The following CCSER2 variants were observed in gnomAD, a reference collection of about 807,000 sequenced individuals.
CCSER2 encodes serine-rich coiled-coil domain-containing protein 2.
CCSER2 carries 46 observed loss-of-function variants against 92.3 expected under a neutral mutation model. That is an observed-to-expected ratio of 0.50 (90% CI 0.39 to 0.64). The LOEUF (loss-of-function observed/expected upper bound fraction) is 0.64. Ranked by LOEUF, CCSER2 falls within the 30% of genes least tolerant of loss-of-function variation. The pLI is 0.00. For synonymous variants in CCSER2, 433 were observed against 431.4 expected (o/e 1.00, Z -0.04); for missense variants, 1,244 against 1,238.9 (o/e 1.00, Z -0.06).
chr10:84,345,561 C>G (rs1844430449), intron 1 of CCSER2, among the ~76,000 whole-genome samples: 1 of 151,952 alleles, frequency 6.6e-6, no homozygotes, highest in African/African-American at 2.4e-5. Context: ...GAAAAACTGC[C>G]CTTTCCCAGT....
chr10:84,370,842 A>G (rs991394811), intron 1 of CCSER2, among the ~76,000 whole-genome samples, 172 bp from the exon 2 acceptor site: 1 of 152,190 alleles, frequency 6.6e-6, no homozygotes, highest in African/African-American at 2.4e-5. Context: ...TTCTTCCAAC[A>G]TAAAGTTATT....
At chr10:84,329,081 A>T (rs1028207629) in intron 1 of CCSER2, among the ~76,000 whole-genome samples, 1 of 152,064 alleles carries the variant, frequency 6.6e-6, no homozygotes, top group Non-Finnish European at 1.5e-5. Context: ...GCCGCCTTTC[A>T]GGAGAAATCA....
chr10:84,443,538 TTGG>T (rs1397164171), intron 6 of CCSER2, among the ~76,000 whole-genome samples: 7 of 152,308 alleles, frequency 4.6e-5, no homozygotes, highest in African/African-American at 7.2e-5. Flanking sequence ...TTTTACACTG[TTGG>T]TGGGAGTGTA....
intron 1 of CCSER2, among the ~76,000 whole-genome samples, chr10:84,363,760 C>T (rs563349266): frequency 6.6e-5 from 10 of 152,052 alleles, no homozygotes; most frequent in Admixed American, 5.9e-4. Flanking sequence ...CCATTCAGTC[C>T]CTTCCTTCAT....
chr10:84,499,991 C>T, intron 9 of CCSER2: 1 of 1,613,786 alleles, frequency 6.2e-7, no homozygotes, highest in African/African-American at 1.3e-5. Context: ...CTATCCTGCT[C>T]TGGCTTCCCC....
chr10:84,395,745 A>G (rs1439102879), intron 3 of CCSER2, among the ~76,000 whole-genome samples: 1 of 152,152 alleles, frequency 6.6e-6, no homozygotes, highest in Admixed American at 6.6e-5. Context: ...CATTAGACCA[A>G]CCATTGGGAA....
chr10:84,473,371 T>C (rs1335784068), intron 8 of CCSER2, among the ~76,000 whole-genome samples: 1 of 152,186 alleles, frequency 6.6e-6, no homozygotes, highest in East Asian at 1.9e-4. Flanking sequence ...CAGGAGAACT[T>C]CGTGATATTT....
intron 3 of CCSER2, among the ~76,000 whole-genome samples, chr10:84,381,450 T>A (rs1840899711): frequency 6.6e-6 from 1 of 152,174 alleles, no homozygotes; most frequent in African/African-American, 2.4e-5. Flanking sequence ...TAGAGTGCTA[T>A]AAAACTTTTC....
chr10:84,411,435 A>C (rs998403358), intron 3 of CCSER2, among the ~76,000 whole-genome samples: 1 of 152,178 alleles, frequency 6.6e-6, no homozygotes, highest in Non-Finnish European at 1.5e-5. Context: ...ACCATCCATG[A>C]GTGTGGAATG....
intron 7 of CCSER2, among the ~76,000 whole-genome samples, chr10:84,466,389 C>T (rs1333858715): frequency 6.6e-6 from 1 of 152,230 alleles, no homozygotes; most frequent in Non-Finnish European, 1.5e-5. Context: ...TTCCAAATAG[C>T]TCTCTCCAAG....
intron 1 of CCSER2, among the ~76,000 whole-genome samples, chr10:84,367,325 C>T (rs184817740): frequency 2.0e-5 from 3 of 151,394 alleles, no homozygotes; most frequent in African/African-American, 7.3e-5. Context: ...TCTGTTCAGC[C>T]TTTGTCCTAC....
At chr10:84,471,197 G>T (rs1375111916) in intron 8 of CCSER2, among the ~76,000 whole-genome samples, 1 of 151,928 alleles carries the variant, frequency 6.6e-6, no homozygotes, top group East Asian at 1.9e-4. Flanking sequence ...AGCCACTGGG[G>T]TCAGCTCACG....
chr10:84,348,311 G>A (rs1339632112), intron 1 of CCSER2, among the ~76,000 whole-genome samples: 1 of 152,240 alleles, frequency 6.6e-6, no homozygotes, highest in African/African-American at 2.4e-5. Context: ...AACCAGTCAG[G>A]CGTGGCGGCA....
chr10:84,393,229 G>T (rs1205126911), intron 3 of CCSER2, among the ~76,000 whole-genome samples: 4 of 152,178 alleles, frequency 2.6e-5, no homozygotes, highest in Admixed American at 6.5e-5. Context: ...GCACAATGTG[G>T]AAAGCTGATA....
chr10:84,376,462 T>C (rs1185528887), intron 3 of CCSER2, among the ~76,000 whole-genome samples: 1 of 152,168 alleles, frequency 6.6e-6, no homozygotes, highest in Non-Finnish European at 1.5e-5. Context: ...TCTTGAACTT[T>C]ATATAAATGA....
chr10:84,367,430 G>A (rs989488323), intron 1 of CCSER2, among the ~76,000 whole-genome samples: 3 of 150,750 alleles, frequency 2.0e-5, no homozygotes, highest in Admixed American at 6.6e-5. Context: ...AGGCTGGAGC[G>A]CAGTGGCTTG....
intron 9 of CCSER2, among the ~76,000 whole-genome samples, chr10:84,498,754 A>C (rs1023292190): frequency 2.0e-5 from 3 of 152,174 alleles, no homozygotes; most frequent in African/African-American, 7.2e-5. Context: ...GATTTTCCTT[A>C]ATGATATTTT....
Position 84,516,870 on chromosome 10 carries a change from A to G in CCSER2, c.*2603A>G, listed in dbSNP as rs1177009837. 6.6e-6 allele frequency: 1 copy of G among 152,178 alleles called. No individual in the cohort carries two copies. The highest frequency in any genetic ancestry group is 6.5e-5 in the Admixed American group (1 of 15,278). 9.4% of individuals were successfully genotyped at this position (152,178 alleles called of 1,614,324 possible). A position where few individuals can be genotyped will look rare whatever the true frequency, so the allele number is the denominator to read the frequency against. Reference sequence around the variant, plus strand: ...TATTTATGAAGCATAATATATTAAAAGAAAACAAATCTAGGATGCTTGCAT... The same window carrying G: ...TATTTATGAAGCATAATATATTAAAGGAAAACAAATCTAGGATGCTTGCAT... On this transcript the variant is annotated 3_prime_UTR_variant, in exon 10 of 10. Coordinates refer to ENST00000372088, the MANE Select transcript of CCSER2 (RefSeq NM_001284240.2).
chr10:84,430,325 C>G (rs1843696513), intron 5 of CCSER2, among the ~76,000 whole-genome samples: 1 of 152,186 alleles, frequency 6.6e-6, no homozygotes, highest in Non-Finnish European at 1.5e-5. Flanking sequence ...ATGTTCTTCT[C>G]TATTCCCAAG....
Sources: allele counts gnomAD v4.1 joint callset (sites outside exome capture counted in the v4.1 genomes callset), GRCh38; gene constraint gnomAD v4.1.1; transcripts MANE v1.5; gene names NCBI Gene and HGNC (gene_info 2026-07-23, HGNC 2026-07-21).